Variants in LGR5 observed in about 807,000 individuals in gnomAD.
The protein encoded by LGR5 is leucine-rich repeat-containing G protein-coupled receptor 5.
In LGR5, 54 loss-of-function variants were observed where a neutral mutation model predicts 76.7. The observed-to-expected ratio is 0.70, with a 90% CI of 0.57 to 0.88. The LOEUF is 0.88. Among genes scored for constraint, LGR5 ranks in the 40% least tolerant of loss-of-function variants. The pLI, the probability that LGR5 is intolerant of heterozygous loss-of-function variation, is 0.00. For missense variants in LGR5, 1,078 were observed against 1,073.3 expected (o/e 1.00, Z -0.06); for synonymous variants, 406 against 421.9 (o/e 0.96, Z 0.46).
Position 71,572,937 on chromosome 12 carries a change from C to T in LGR5, c.1208+16C>T. 1 of 1,595,286 alleles carries T rather than the reference C, an allele frequency of 6.3e-7. No homozygotes were observed. The highest frequency in any genetic ancestry group is 8.6e-7 in the Non-Finnish European group (1 of 1,162,868). On this transcript the variant is annotated intron_variant, in intron 13 of 17. Coordinates refer to ENST00000266674, the MANE Select transcript of LGR5 (RefSeq NM_003667.4). ...TCCGATCGCTGTGAGTATCACCTCC[C>T]AGTGCGTTCCCCAGCACAGAGCATT...
At chr12:71,534,986 C>T (rs1162648248) in intron 3 of LGR5, 129 bp from the exon 4 acceptor site, 2 of 567,718 alleles carry the variant, frequency 3.5e-6, no homozygotes, top group South Asian at 2.3e-5. Flanking sequence ...GGAATTTCAG[C>T]TCCCCAAAAG....
intron 2 of LGR5, among the ~76,000 whole-genome samples, chr12:71,505,179 C>A (rs913302680): frequency 2.6e-5 from 4 of 152,128 alleles, no homozygotes; most frequent in Non-Finnish European, 5.9e-5. Context: ...TTAAATTTAG[C>A]TTCCCTCAAG....
chr12:71,534,161 A>C (rs541090202), intron 3 of LGR5, among the ~76,000 whole-genome samples: 188 of 25,688 alleles, frequency 7.3e-3, no homozygotes, highest in African/African-American at 0.011. Flanking sequence ...GGACTACAAA[A>C]TACTGGGAGA....
At position 71,578,008 on chromosome 12, in the gene LGR5, A is replaced by T; in HGVS notation, c.1280+12A>T. On this transcript the variant is annotated intron_variant, in intron 14 of 17. Coordinates refer to ENST00000266674, the MANE Select transcript of LGR5 (RefSeq NM_003667.4). ...TCCCTAATAAAGCTGTGAGTATTCC[A>T]CAACTTGTTTATGGTATGTCTCTTA... The T allele has an allele frequency of 1.9e-6, 3 of 1,589,932 alleles. No individual in the cohort carries two copies. The South Asian group carries it at 3.3e-5, about 18-fold the overall frequency.
intron 2 of LGR5, among the ~76,000 whole-genome samples, chr12:71,505,538 T>C (rs1213570600): frequency 6.6e-6 from 1 of 152,200 alleles, no homozygotes; most frequent in Non-Finnish European, 1.5e-5. Context: ...ATATTTTCTT[T>C]ATAAATCCTG....
chr12:71,494,023 A>C (rs1874199980), intron 1 of LGR5, among the ~76,000 whole-genome samples: 1 of 146,082 alleles, frequency 6.8e-6, no homozygotes, highest in Admixed American at 6.8e-5. Flanking sequence ...GGCTCACTGC[A>C]AGCTCTGCCT....
chr12:71,508,752 C>CAAAAAAAA (rs35401076), intron 2 of LGR5, among the ~76,000 whole-genome samples: 2 of 28,136 alleles, frequency 7.1e-5, no homozygotes, highest in Non-Finnish European at 1.3e-4. Context: ...GACTCAGTCT[C>CAAAAAAAA]AAAAAAAAAA....
chr12:71,474,738 G>A (rs1168697801), intron 1 of LGR5, among the ~76,000 whole-genome samples: 1 of 152,160 alleles, frequency 6.6e-6, no homozygotes, highest in African/African-American at 2.4e-5. Context: ...AGCTTGTAGG[G>A]CTTCTTTTAG....
intron 2 of LGR5, among the ~76,000 whole-genome samples, chr12:71,513,112 G>T (rs1875247066): frequency 6.6e-6 from 1 of 152,244 alleles, no homozygotes; most frequent in East Asian, 1.9e-4. Flanking sequence ...AATTTTTATG[G>T]CTTCTAAAGT....
At chr12:71,541,162 G>A (rs1295963) in intron 4 of LGR5, among the ~76,000 whole-genome samples, 148,155 of 152,300 alleles carry the variant, frequency 0.97, 72,196 homozygotes, top group Middle Eastern at 1. Flanking sequence ...TCTCCAATTT[G>A]AACATTGGGG....
chr12:71,457,939 C>T (rs151226626), intron 1 of LGR5, among the ~76,000 whole-genome samples: 18 of 152,194 alleles, frequency 1.2e-4, no homozygotes, highest in Non-Finnish European at 2.2e-4. Context: ...TAGTCAGGAA[C>T]CTGACGCCAC....
chr12:71,578,781 A>C, intron 14 of LGR5, 23 bp from the exon 15 acceptor site: 1 of 1,583,316 alleles, frequency 6.3e-7, no homozygotes, highest in East Asian at 2.3e-5. Context: ...ACTAAAAGCC[A>C]ATTGTTGTTT....
At chr12:71,473,947 C>G (rs1873209523) in intron 1 of LGR5, among the ~76,000 whole-genome samples, 1 of 152,098 alleles carries the variant, frequency 6.6e-6, no homozygotes, top group East Asian at 1.9e-4. Flanking sequence ...CCTCTTAAAA[C>G]AAATCCAAGA....
chr12:71,524,302 A>T, intron 2 of LGR5, 104 bp from the exon 3 acceptor site: 11 of 705,192 alleles, frequency 1.6e-5, no homozygotes, highest in Admixed American at 5.8e-5. Context: ...GTTGCTTTTG[A>T]TATTTGTGGT....
chr12:71,479,421 G>T (rs1365814500), intron 1 of LGR5, among the ~76,000 whole-genome samples: 1 of 152,172 alleles, frequency 6.6e-6, no homozygotes, highest in South Asian at 2.1e-4. Context: ...AGTATTTACT[G>T]TGTTTCAACA....
intron 13 of LGR5, among the ~76,000 whole-genome samples, chr12:71,574,729 G>A (rs1020877225): frequency 1.3e-5 from 2 of 152,114 alleles, no homozygotes; most frequent in African/African-American, 2.4e-5. Context: ...CCTGACACAC[G>A]AGCCAGTGTT....
intron 13 of LGR5, among the ~76,000 whole-genome samples, chr12:71,576,261 T>A (rs555217407): frequency 9.8e-5 from 15 of 152,298 alleles, no homozygotes; most frequent in African/African-American, 3.1e-4. Flanking sequence ...TAAATTTTTT[T>A]AAAAGATGGT....
chr12:71,483,988 G>T (rs1268109883), intron 1 of LGR5, among the ~76,000 whole-genome samples: 1 of 152,100 alleles, frequency 6.6e-6, no homozygotes, highest in African/African-American at 2.4e-5. Flanking sequence ...AAAGGGAAAA[G>T]CTGGTTTGGA....
At chr12:71,574,688 A>C (rs1355283574) in intron 13 of LGR5, among the ~76,000 whole-genome samples, 1 of 152,170 alleles carries the variant, frequency 6.6e-6, no homozygotes, top group Non-Finnish European at 1.5e-5. Flanking sequence ...CTCCTGGTAC[A>C]GTGTCATCTC....
Sources: allele counts gnomAD v4.1 joint callset (sites outside exome capture counted in the v4.1 genomes callset), GRCh38; gene constraint gnomAD v4.1.1; transcripts MANE v1.5; gene names NCBI Gene and HGNC (gene_info 2026-07-23, HGNC 2026-07-21).